Variants in LUZP2 observed in about 807,000 individuals in gnomAD.
The protein encoded by LUZP2 is leucine zipper protein 2.
A neutral mutation model predicts 51.6 loss-of-function variants in LUZP2; 52 were observed. The observed-to-expected ratio is 1.01, with a 90% CI of 0.81 to 1.27. The LOEUF (loss-of-function observed/expected upper bound fraction) is 1.27. Among genes scored for constraint, LUZP2 ranks in the 50% most tolerant of loss-of-function variants. The pLI, the probability that LUZP2 is intolerant of heterozygous loss-of-function variation, is 0.00. For synonymous variants in LUZP2, 154 were observed against 137.3 expected, an observed-to-expected ratio of 1.12 and a Z score of -0.85; for missense variants, 436 against 395.4, an observed-to-expected ratio of 1.10 and a Z score of -0.87.
Position 24,971,068 on chromosome 11 carries a change from T to G in LUZP2, c.523-5523T>G, listed in dbSNP as rs112976226. On this transcript the variant is annotated intron_variant, in intron 7 of 11. Transcript: ENST00000336930. ...GAACAGAAAACTAAATGCTACATAT[T>G]CTCACTTATAAGTAGGAGATAAGCA... Among the ~76,000 whole-genome samples, 508 of 152,202 alleles carry G rather than the reference T, an allele frequency of 3.3e-3. 5 individuals carry two copies. Among genetic ancestry groups the G allele is most frequent in the African/African-American group, 0.012 (495 of 41,540 alleles).
chr11:24,839,433 A>C (rs1850957305), intron 5 of LUZP2, among the ~76,000 whole-genome samples: 1 of 151,740 alleles, frequency 6.6e-6, no homozygotes, highest in Admixed American at 6.6e-5. Context: ...GATTGTAGTG[A>C]CTGAGATAGC....
chr11:24,601,742 C>T (rs1178034876), intron 1 of LUZP2, among the ~76,000 whole-genome samples: 3 of 150,868 alleles, frequency 2.0e-5, no homozygotes, highest in African/African-American at 4.9e-5. Context: ...AACCAAGACA[C>T]AATACCTCAG....
intron 10 of LUZP2, 38 bp from the exon 11 acceptor site, chr11:25,077,291 T>C: frequency 6.8e-7 from 1 of 1,470,666 alleles, no homozygotes; most frequent in African/African-American, 1.4e-5. Flanking sequence ...TTTCTTTCTT[T>C]AACTTCATTG....
At chr11:25,049,374 C>T (rs779738831) in intron 9 of LUZP2, among the ~76,000 whole-genome samples, 2 of 152,218 alleles carry the variant, frequency 1.3e-5, no homozygotes, top group Admixed American at 6.5e-5. Context: ...TAATCTTAAA[C>T]CTACCTATAG....
chr11:24,889,280 A>T (rs1852773220), intron 5 of LUZP2, among the ~76,000 whole-genome samples: 2 of 152,202 alleles, frequency 1.3e-5, no homozygotes. Context: ...TTTAAGCATG[A>T]CATCAAGCAT....
At chr11:25,043,778 T>C (rs903785083) in intron 9 of LUZP2, among the ~76,000 whole-genome samples, 8 of 147,964 alleles carry the variant, frequency 5.4e-5, no homozygotes, top group Non-Finnish European at 1.2e-4. Context: ...ATAATATATA[T>C]AGTGTGTGTA....
At chr11:24,876,365 C>G (rs1359995797) in intron 5 of LUZP2, among the ~76,000 whole-genome samples, 1 of 150,044 alleles carries the variant, frequency 6.7e-6, no homozygotes, top group Non-Finnish European at 1.5e-5. Context: ...ATCCTTTCCC[C>G]ATTGCTTGTT....
intron 1 of LUZP2, among the ~76,000 whole-genome samples, chr11:24,530,751 CCTT>C (rs1850965809): frequency 8.1e-6 from 1 of 123,780 alleles, no homozygotes; most frequent in Admixed American, 8.5e-5. Context: ...CTATTTGATT[CCTT>C]CTTCTTACTT....
intron 1 of LUZP2, among the ~76,000 whole-genome samples, chr11:24,574,211 C>CCTTCCTTTCTTTCTTT (rs1301811202): frequency 0.014 from 86 of 6,070 alleles, no homozygotes; most frequent in African/African-American, 0.016. Context: ...TTTCTTCCTT[C>CCTTCCTTTCTTTCTTT]CTTTCTTTCT....
At chr11:25,065,033 A>G (rs1858959022) in intron 10 of LUZP2, among the ~76,000 whole-genome samples, 1 of 152,096 alleles carries the variant, frequency 6.6e-6, no homozygotes, top group Non-Finnish European at 1.5e-5. Flanking sequence ...TGACAGGCAT[A>G]GTAAAAAAGA....
At chr11:24,632,264 A>G (rs1854923577) in intron 1 of LUZP2, among the ~76,000 whole-genome samples, 1 of 152,040 alleles carries the variant, frequency 6.6e-6, no homozygotes, top group Non-Finnish European at 1.5e-5. Context: ...ATATTTGGGT[A>G]TAATGAGGGA....
At chr11:24,964,382 A>G (rs1475595436) in intron 7 of LUZP2, among the ~76,000 whole-genome samples, 1 of 152,214 alleles carries the variant, frequency 6.6e-6, no homozygotes, top group Non-Finnish European at 1.5e-5. Context: ...ATGTGGGATA[A>G]CCATAAATAT....
rs570570569 is a variant in LUZP2 at position 24,789,794 on chromosome 11, T to C, written c.396+26486T>C. The stretch of plus-strand genomic sequence containing the variant: ...TGGTGGAAGAAGCAAATGAGCTTCC[T>C]TGGGCTTCTTGTATAAGGGCACTAT... On this transcript the variant is annotated intron_variant, in intron 5 of 11. Coordinates refer to ENST00000336930, the MANE Select transcript of LUZP2 (RefSeq NM_001009909.4). 4.6e-4 allele frequency among the ~76,000 whole-genome samples: 70 copies of C among 152,320 alleles called. 1 individual carries two copies. In the South Asian group the frequency reaches 0.014, roughly 31 times the overall value.
chr11:24,802,687 A>G (rs1364878451), intron 5 of LUZP2, among the ~76,000 whole-genome samples: 1 of 149,018 alleles, frequency 6.7e-6, no homozygotes, highest in Non-Finnish European at 1.5e-5. Flanking sequence ...GGCAACAACC[A>G]CTCTTTTATT....
chr11:24,957,867 T>C (rs1272171641), intron 7 of LUZP2, among the ~76,000 whole-genome samples: 1 of 152,170 alleles, frequency 6.6e-6, no homozygotes, highest in African/African-American at 2.4e-5. Flanking sequence ...ACTCGTCATC[T>C]AGCATTACGT....
chr11:24,650,162 C>T (rs1855584434), intron 1 of LUZP2, among the ~76,000 whole-genome samples: 1 of 150,280 alleles, frequency 6.7e-6, no homozygotes, highest in South Asian at 2.1e-4. Flanking sequence ...TTTCCATATA[C>T]AGATACATGC....
intron 1 of LUZP2, among the ~76,000 whole-genome samples, chr11:24,713,528 T>C (rs1274680578): frequency 6.6e-6 from 1 of 151,786 alleles, no homozygotes; most frequent in Non-Finnish European, 1.5e-5. Flanking sequence ...ATCAGAAATA[T>C]GGCAAAAAAT....
Position 24,654,724 on chromosome 11 carries a change from C to T in LUZP2, c.63-74445C>T, listed in dbSNP as rs1490563132. 5.4e-5 allele frequency among the ~76,000 whole-genome samples: 8 copies of T among 148,998 alleles called. No homozygotes were observed. The East Asian group carries it at 1.2e-3, about 23-fold the overall frequency. ...ATTTTTAGTAGAGGCAGGGTTTCAC[C>T]ATCTTGGCCAGGCTGGTCTTGAGCT... On this transcript the variant is annotated intron_variant, in intron 1 of 11. Coordinates refer to ENST00000336930, the MANE Select transcript of LUZP2 (RefSeq NM_001009909.4).
At chr11:24,812,995 G>T (rs947658708) in intron 5 of LUZP2, among the ~76,000 whole-genome samples, 1 of 152,040 alleles carries the variant, frequency 6.6e-6, no homozygotes, top group Non-Finnish European at 1.5e-5. Flanking sequence ...TATGCATAGG[G>T]GTCACTCTAG....
Sources: allele counts gnomAD v4.1 joint callset (sites outside exome capture counted in the v4.1 genomes callset), GRCh38; gene constraint gnomAD v4.1.1; transcripts MANE v1.5; gene names NCBI Gene and HGNC (gene_info 2026-07-23, HGNC 2026-07-21).